Variants in PPM1L observed in about 807,000 individuals in gnomAD.
The protein encoded by PPM1L is protein phosphatase 1L.
A neutral mutation model predicts 31.4 loss-of-function variants in PPM1L; 13 were observed. The observed-to-expected ratio is 0.41, with a 90% CI of 0.27 to 0.66. The LOEUF (loss-of-function observed/expected upper bound fraction) is 0.66. PPM1L is among the 30% of genes least tolerant of loss of function. The probability of loss-of-function intolerance (pLI) is 0.29; values close to 1 mark genes in which losing one functional copy is unlikely to be tolerated. For synonymous variants in PPM1L, 184 were observed against 175.4 expected, an observed-to-expected ratio of 1.05 and a Z score of -0.39; for missense variants, 326 against 453.7, an observed-to-expected ratio of 0.72 and a Z score of 2.56.
intron 1 of PPM1L, among the ~76,000 whole-genome samples, chr3:160,853,988 C>A (rs2108115162): frequency 6.6e-6 from 1 of 152,192 alleles, no homozygotes; most frequent in Non-Finnish European, 1.5e-5. Context: ...ATCACAAGTC[C>A]CCACACGTCG....
At chr3:160,953,532 T>G (rs1229756630) in intron 1 of PPM1L, among the ~76,000 whole-genome samples, 1 of 152,204 alleles carries the variant, frequency 6.6e-6, no homozygotes, top group African/African-American at 2.4e-5. Flanking sequence ...CCTTGACACT[T>G]TTTTTCCCAG....
At chr3:160,920,056 A>G (rs753229167) in intron 1 of PPM1L, among the ~76,000 whole-genome samples, 13 of 152,050 alleles carry the variant, frequency 8.5e-5, no homozygotes, top group East Asian at 1.9e-4. Flanking sequence ...AGCCATCACT[A>G]TGGTCACCAT....
chr3:160,761,420 A>G (rs560823226), intron 1 of PPM1L, among the ~76,000 whole-genome samples: 2 of 152,254 alleles, frequency 1.3e-5, no homozygotes, highest in African/African-American at 4.8e-5. Flanking sequence ...ATCATTTATT[A>G]TATTATATAG....
At chr3:160,984,348 G>T (rs1388721276) in intron 2 of PPM1L, among the ~76,000 whole-genome samples, 1 of 152,112 alleles carries the variant, frequency 6.6e-6, no homozygotes, top group Non-Finnish European at 1.5e-5. Context: ...GCTCTGTCCT[G>T]CCCAGCCCAC....
In PPM1L at chr3:160,770,733, G is replaced by A. The variant is rs142021582; in HGVS notation, c.399+14026G>A. Among the ~76,000 whole-genome samples, 13 of 152,294 alleles carry A rather than the reference G, an allele frequency of 8.5e-5. No homozygotes were observed. In the East Asian group the frequency reaches 2.3e-3, roughly 27 times the overall value. ...CTAACCAGATATGCTCAGGAATCCTGCCCTCTGGTTTCAGAAAAGTGGGAG... is the reference window on the plus strand; with the variant it reads ...CTAACCAGATATGCTCAGGAATCCTACCCTCTGGTTTCAGAAAAGTGGGAG... On this transcript the variant is annotated intron_variant, in intron 1 of 3. Coordinates refer to ENST00000498165, the MANE Select transcript of PPM1L (RefSeq NM_139245.4).
chr3:160,829,780 A>G (rs1014996788), intron 1 of PPM1L, among the ~76,000 whole-genome samples: 1 of 152,158 alleles, frequency 6.6e-6, no homozygotes, highest in Non-Finnish European at 1.5e-5. Context: ...AGGGAGCAGC[A>G]GCTTTGGTTT....
chr3:160,768,880 G>C, intron 1 of PPM1L, among the ~76,000 whole-genome samples: 1 of 152,230 alleles, frequency 6.6e-6, no homozygotes, highest in East Asian at 1.9e-4. Context: ...CTGGTTCAGT[G>C]TCTCAGAAAT....
At chr3:160,984,294 C>T (rs1023708879) in intron 2 of PPM1L, among the ~76,000 whole-genome samples, 7 of 152,166 alleles carry the variant, frequency 4.6e-5, no homozygotes, top group African/African-American at 1.4e-4. Context: ...GGAAAGAATT[C>T]AGCGATACTT....
At chr3:160,835,033 A>ACTTCTTCTTCTTCTTCTTCTT (rs1472836807) in intron 1 of PPM1L, among the ~76,000 whole-genome samples, 5 of 86,280 alleles carry the variant, frequency 5.8e-5, no homozygotes, top group African/African-American at 2.8e-4. Context: ...TACTATTACT[A>ACTTCTTCTTCTTCTTCTTCTT]CTACTACTTC....
At position 160,871,138 on chromosome 3, in the gene PPM1L, A is replaced by G. The variant is rs554349913; in HGVS notation, c.400-90598A>G. On this transcript the variant is annotated intron_variant, in intron 1 of 3. Transcript: ENST00000498165. ...AGCTTTAAAATATATATAAATGTCA[A>G]GGCTTCAGACTTTAAAACTGTTGCT... Among the ~76,000 whole-genome samples the G allele has an allele frequency of 8.5e-4, 129 of 152,324 alleles. 1 individual carries two copies. The highest frequency in any genetic ancestry group is 2.9e-3 in the African/African-American group (121 of 41,584).
At chr3:160,947,606 C>T (rs964001976) in intron 1 of PPM1L, among the ~76,000 whole-genome samples, 14 of 152,086 alleles carry the variant, frequency 9.2e-5, no homozygotes, top group African/African-American at 3.4e-4. Context: ...CCCCACTAGA[C>T]CATAAGCACC....
intron 1 of PPM1L, among the ~76,000 whole-genome samples, chr3:160,922,122 A>G (rs1027787151): frequency 6.6e-6 from 1 of 152,110 alleles, no homozygotes; most frequent in Non-Finnish European, 1.5e-5. Flanking sequence ...CATCCTGGCT[A>G]ACACGGTGAA....
At chr3:160,812,097 G>A (rs183422062) in intron 1 of PPM1L, among the ~76,000 whole-genome samples, 11 of 152,242 alleles carry the variant, frequency 7.2e-5, no homozygotes, top group African/African-American at 2.6e-4. Context: ...CGATGTTAGC[G>A]CCTTCCATGC....
chr3:160,910,897 T>A (rs1713949942), intron 1 of PPM1L, among the ~76,000 whole-genome samples: 1 of 152,216 alleles, frequency 6.6e-6, no homozygotes, highest in Non-Finnish European at 1.5e-5. Context: ...TCTTTGGAAA[T>A]CCAAGATATT....
At chr3:160,813,272 G>A (rs1271231784) in intron 1 of PPM1L, among the ~76,000 whole-genome samples, 2 of 151,640 alleles carry the variant, frequency 1.3e-5, no homozygotes, top group South Asian at 2.1e-4. Flanking sequence ...GCTATCTCTA[G>A]TTAAGTTTTA....
intron 1 of PPM1L, among the ~76,000 whole-genome samples, chr3:160,923,473 T>A (rs1260706217): frequency 3.3e-5 from 5 of 152,234 alleles, no homozygotes; most frequent in Non-Finnish European, 7.3e-5. Flanking sequence ...AAATATGGCC[T>A]TATTTTAGCA....
chr3:160,910,951 A>G (rs12492376), intron 1 of PPM1L, among the ~76,000 whole-genome samples: 11,505 of 152,244 alleles, frequency 0.076, 552 homozygotes, highest in African/African-American at 0.13. Flanking sequence ...ACCTTATCTT[A>G]TTGTATAAAT....
chr3:160,949,444 A>G (rs1305499324), intron 1 of PPM1L, among the ~76,000 whole-genome samples: 1 of 152,124 alleles, frequency 6.6e-6, no homozygotes, highest in East Asian at 1.9e-4. Flanking sequence ...TTCCTGTGGT[A>G]TAAAATAAGG....
intron 1 of PPM1L, among the ~76,000 whole-genome samples, chr3:160,879,135 A>T (rs138520988): frequency 6.6e-6 from 1 of 152,220 alleles, no homozygotes; most frequent in Admixed American, 6.5e-5. Flanking sequence ...TGAAGGTTAT[A>T]TCCTGCCACA....
Sources: gnomAD v4.1 joint callset for allele counts (sites outside exome capture counted in the v4.1 genomes callset) on GRCh38, gnomAD v4.1.1 for gene constraint, MANE v1.5 for transcripts, NCBI Gene and HGNC (gene_info 2026-07-23, HGNC 2026-07-21) for gene names.